EVC: variants seen among roughly 807,000 people sequenced by gnomAD.
EVC encodes evC complex member EVC.
Under a neutral mutation model 118.9 loss-of-function variants are expected in EVC, and 116 were observed. That is an observed-to-expected ratio of 0.98 (90% confidence interval 0.84 to 1.14). EVC has a LOEUF of 1.14. EVC is among the 50% of genes most tolerant of loss of function. The pLI is 0.00. For missense variants in EVC, 1,401 were observed against 1,246.4 expected, an observed-to-expected ratio of 1.12 and a Z score of -1.87; for synonymous variants, 619 against 534.7, an observed-to-expected ratio of 1.16 and a Z score of -2.18.
At chr4:5,734,711 C>T (rs1727392952) in intron 5 of EVC, among the ~76,000 whole-genome samples, 1 of 152,226 alleles carries the variant, frequency 6.6e-6, no homozygotes, top group Admixed American at 6.5e-5. Flanking sequence ...GAAGCTTGGG[C>T]TCTGTGTGAG....
rs148055007 is a variant in EVC, at chr4:5,731,999, C to G, written c.617+342C>G. On this transcript the variant is annotated intron_variant, in intron 4 of 20. Coordinates refer to ENST00000264956, the MANE Select transcript of EVC (RefSeq NM_153717.3). The surrounding 1 kb of genome is among the most constrained non-coding windows in gnomAD (Gnocchi z 5.6). ...TAAGCACTTTACAGGGATTGATGATCTCATGAGGATTTTGCCCAGTGAGGG... is the reference window on the plus strand; with the variant it reads ...TAAGCACTTTACAGGGATTGATGATGTCATGAGGATTTTGCCCAGTGAGGG... Among the ~76,000 whole-genome samples, 908 of 141,506 alleles carry G rather than the reference C, an allele frequency of 6.4e-3. 7 individuals carry two copies. Among genetic ancestry groups the G allele is most frequent in the African/African-American group, 0.018 (724 of 40,822 alleles). 92.8% of individuals were successfully genotyped at this position (141,506 alleles called of 152,430 possible).
rs760043559 is a variant in EVC, at chr4:5,797,034, TG to T, written c.1900del (p.Val634SerfsTer26). ...GGLTEESTRC[V>X]LQGHDLLLRS... is the part of the protein sequence containing the mutation. ...GCTTTCCTCAAAGGTCCACGCGGTG[TG>T]TCCTGCAGGGGCATGACCTGCTGTT... is the stretch of plus-strand genomic sequence containing the variant. On this transcript the variant is annotated frameshift_variant, in exon 14 of 21. Coordinates refer to ENST00000264956, the MANE Select transcript of EVC (RefSeq NM_153717.3). LOFTEE classifies it high-confidence loss of function. 5.6e-6 allele frequency: 9 copies of T among 1,612,882 alleles called. No individual in the cohort carries two copies. The highest frequency in any genetic ancestry group is 7.6e-6 in the Non-Finnish European group (9 of 1,179,704).
chr4:5,756,204 GGA>G lies in EVC; in HGVS notation c.1465-59_1465-58del. 7.8e-7 allele frequency: 1 copy of G among 1,286,274 alleles called. No individual in the cohort carries two copies. Among genetic ancestry groups the G allele is most frequent in the Non-Finnish European group, 1.1e-6 (1 of 913,644 alleles). 79.7% of individuals were successfully genotyped at this position (1,286,274 alleles called of 1,614,324 possible). A position where few individuals can be genotyped will look rare whatever the true frequency, so the allele number is the denominator to read the frequency against. ...GCAGGGGATGGTTGGAGAACCTTCT[GGA>G]AAAAAAAAAAAAAACCCTGCATGTT... On this transcript the variant is annotated intron_variant, in intron 10 of 20. Coordinates refer to ENST00000264956, the MANE Select transcript of EVC (RefSeq NM_153717.3). This position sits in a 1 kb window ranked among gnomAD's most constrained non-coding sequence, Gnocchi z 4.2.
At chr4:5,793,528 A>G in intron 12 of EVC, 80 bp from the exon 13 acceptor site, 1 of 1,236,644 alleles carries the variant, frequency 8.1e-7, no homozygotes, top group Non-Finnish European at 1.2e-6. Context: ...CAAACAAGAA[A>G]CAAAATGCAC....
At chr4:5,716,418 G>T (rs1723966644) in intron 1 of EVC, among the ~76,000 whole-genome samples, 1 of 152,174 alleles carries the variant, frequency 6.6e-6, no homozygotes, top group Non-Finnish European at 1.5e-5. Context: ...GTTTTAAAAT[G>T]TAGGTTCGGC....
chr4:5,790,528 T>C (rs1260368088), intron 12 of EVC, among the ~76,000 whole-genome samples: 1 of 152,142 alleles, frequency 6.6e-6, no homozygotes, highest in Non-Finnish European at 1.5e-5. Context: ...GAGTCCTTGG[T>C]TGTAGCATGG....
chr4:5,801,854 C>A, intron 15 of EVC, 96 bp from the exon 16 acceptor site: 1 of 1,425,856 alleles, frequency 7.0e-7, no homozygotes, highest in Non-Finnish European at 9.7e-7. Flanking sequence ...GGTGGAAGAT[C>A]TGAACCAGGG....
intron 11 of EVC, among the ~76,000 whole-genome samples, chr4:5,761,184 C>T (rs1416135223): frequency 2.6e-5 from 4 of 151,972 alleles, no homozygotes; most frequent in East Asian, 3.9e-4. Context: ...CTGGGTGTGC[C>T]GAGGAGAGCA....
chr4:5,740,375 G>A (rs986391678), intron 5 of EVC, among the ~76,000 whole-genome samples: 2 of 151,470 alleles, frequency 1.3e-5, no homozygotes, highest in African/African-American at 2.4e-5. Context: ...GGAGGCTGAG[G>A]TGGGAGAATC....
chr4:5,815,096 G>A (rs1341576133), downstream of EVC, among the ~76,000 whole-genome samples: 2 of 152,144 alleles, frequency 1.3e-5, no homozygotes, highest in African/African-American at 2.4e-5. Context: ...GATATGCAGT[G>A]GCATCAGCAG....
chr4:5,808,635 C>T (rs556248532), intron 18 of EVC, among the ~76,000 whole-genome samples: 1 of 152,340 alleles, frequency 6.6e-6, no homozygotes, highest in Non-Finnish European at 1.5e-5. Context: ...CCCCTGTGTG[C>T]GCATGGCCAC....
In EVC at chr4:5,748,565, T is replaced by TATCCATCC. The variant is rs202244004; in HGVS notation, c.1098+269_1098+276dup. Among the ~76,000 whole-genome samples, 14,446 of 90,510 alleles carry TATCCATCC rather than the reference T, an allele frequency of 0.16. 2,095 individuals are homozygous for TATCCATCC. The highest frequency in any genetic ancestry group is 0.37 in the African/African-American group (8,087 of 21,644). 59.4% of individuals were successfully genotyped at this position (90,510 alleles called of 152,430 possible). A position where few individuals can be genotyped will look rare whatever the true frequency, so the allele number is the denominator to read the frequency against. On this transcript the variant is annotated intron_variant, in intron 8 of 20. Coordinates refer to ENST00000264956, the MANE Select transcript of EVC (RefSeq NM_153717.3). ...CCATCCATCTGCCCTCCCACCCATT[T>TATCCATCC]ATCCATCCATCCATCCACCCATCCA...
At chr4:5,806,155 C>T (rs1420303670) in intron 17 of EVC, among the ~76,000 whole-genome samples, 1 of 151,890 alleles carries the variant, frequency 6.6e-6, no homozygotes, top group Non-Finnish European at 1.5e-5. Context: ...TCTCAGCTCA[C>T]TGCAACCTCC....
intron 6 of EVC, among the ~76,000 whole-genome samples, 180 bp from the exon 7 acceptor site, chr4:5,745,024 G>C (rs796217483): frequency 1.3e-4 from 20 of 148,554 alleles, no homozygotes; most frequent in African/African-American, 4.3e-4. Flanking sequence ...TATTCTTGAG[G>C]CTCTATGTTT....
chr4:5,793,419 C>G (rs1713162148), intron 12 of EVC, 189 bp from the exon 13 acceptor site: 1 of 632,050 alleles, frequency 1.6e-6, no homozygotes, highest in Admixed American at 2.8e-5. Flanking sequence ...TGCATTTTTC[C>G]TAAATGCAAA....
At position 5,785,688 on chromosome 4, in the gene EVC, T is replaced by G. The variant is rs1310240316; in HGVS notation, c.1776+1924T>G. Among the ~76,000 whole-genome samples, 3 of 152,238 alleles carry G rather than the reference T, an allele frequency of 2.0e-5. No homozygotes were observed. The East Asian group carries it at 5.8e-4, about 29-fold the overall frequency. The stretch of plus-strand genomic sequence containing the variant: ...TTCCTTGAGGACGGCAACCCTGATT[T>G]TCATCTTGACACCACCTATTCAAAG... On this transcript the variant is annotated intron_variant, in intron 12 of 20. Coordinates refer to ENST00000264956, the MANE Select transcript of EVC (RefSeq NM_153717.3).
rs184969186 is a variant in EVC, at chr4:5,767,862, C to A, written c.1563+11500C>A. 1.1e-3 allele frequency among the ~76,000 whole-genome samples: 169 copies of A among 152,314 alleles called. 1 individual carries two copies. Among genetic ancestry groups the A allele is most frequent in the African/African-American group, 3.3e-3 (138 of 41,542 alleles). ...TGGAAATGCAGAAATCACCCATCTT[C>A]TGCGTCGCTCACGCTGGGAGCTGTA... On this transcript the variant is annotated intron_variant, in intron 11 of 20. Coordinates refer to ENST00000264956, the MANE Select transcript of EVC (RefSeq NM_153717.3).
At chr4:5,745,436 A>C in intron 7 of EVC, 95 bp downstream of exon 7, 1 of 1,342,372 alleles carries the variant, frequency 7.4e-7, no homozygotes, top group Non-Finnish European at 1.1e-6. Context: ...AGTGTGCCTA[A>C]TACTTGAATT....
chr4:5,798,475 C>G lies in EVC; in HGVS notation c.2098-111C>G. 1 of 1,120,138 alleles carries G rather than the reference C, an allele frequency of 8.9e-7. No individual in the cohort carries two copies. Among genetic ancestry groups the G allele is most frequent in the East Asian group, 2.6e-5 (1 of 38,964 alleles). 69.4% of individuals were successfully genotyped at this position (1,120,138 alleles called of 1,614,324 possible). A position where few individuals can be genotyped will look rare whatever the true frequency, so the allele number is the denominator to read the frequency against. ...CACCTCTTTCTGCCCTTTCTCCATCCCTTTTCCAACCCCTGGGCCCTGGAT... is the reference window on the plus strand; with the variant it reads ...CACCTCTTTCTGCCCTTTCTCCATCGCTTTTCCAACCCCTGGGCCCTGGAT... On this transcript the variant is annotated intron_variant, in intron 14 of 20. Coordinates refer to ENST00000264956, the MANE Select transcript of EVC (RefSeq NM_153717.3). The surrounding 1 kb of genome is among the most constrained non-coding windows in gnomAD (Gnocchi z 4.1).
Sources: gnomAD v4.1 joint callset for allele counts (sites outside exome capture counted in the v4.1 genomes callset) on GRCh38, gnomAD v4.1.1 for gene constraint, Gnocchi (gnomAD v3.1) non-coding constraint, MANE v1.5 for transcripts, NCBI Gene and HGNC (gene_info 2026-07-23, HGNC 2026-07-21) for gene names.